Variants in CCDC158 observed in about 807,000 individuals in gnomAD.
CCDC158 encodes the protein coiled-coil domain-containing protein 158.
In CCDC158, 116 loss-of-function variants were observed where a neutral mutation model predicts 138.6. The observed-to-expected ratio is 0.84, with a 90% confidence interval of 0.72 to 0.98. CCDC158 has a LOEUF of 0.98. Ranked by LOEUF, CCDC158 falls within the 50% of genes least tolerant of loss-of-function variation. The probability of loss-of-function intolerance (pLI) is 0.00; values close to 1 mark genes in which losing one functional copy is unlikely to be tolerated. For synonymous variants in CCDC158, 436 were observed against 442.4 expected (o/e 0.99, Z 0.18); for missense variants, 1,265 against 1,306.1 (o/e 0.97, Z 0.48).
At chr4:76,362,567 C>T (rs1240349836) in intron 12 of CCDC158, among the ~76,000 whole-genome samples, 1 of 152,168 alleles carries the variant, frequency 6.6e-6, no homozygotes, top group Non-Finnish European at 1.5e-5. Context: ...CCTTAGATGT[C>T]AATTCCTAGT....
rs529948661 is a variant in CCDC158 at position 76,344,674 on chromosome 4, A to G, written c.2664+6322T>C. 4 of 1,613,270 alleles carry G rather than the reference A, an allele frequency of 2.5e-6. No individual in the cohort carries two copies. In the African/African-American group the frequency reaches 5.3e-5, roughly 22 times the overall value. ...ACAAAGACCACACTGCCCATGTTTC[A>G]GAGCCCAGAGTTTTCTGTTACAAGG... is the stretch of plus-strand genomic sequence containing the variant. On this transcript the variant is annotated intron_variant, in intron 18 of 24. Transcript: ENST00000682701.
rs755704600 is a variant in CCDC158 at position 76,367,283 on chromosome 4, A to T, written c.1830+11T>A. On this transcript the variant is annotated intron_variant, in intron 12 of 24. Transcript: ENST00000682701. ...ATTTCAGAAGTTAAATCACAAAAAA[A>T]CTCTACAGACCTTAAGTTCCTTTAG... The T allele has an allele frequency of 3.1e-6, 5 of 1,597,494 alleles. No individual in the cohort carries two copies. The highest frequency in any genetic ancestry group is 2.2e-5 in the East Asian group (1 of 44,646).
chr4:76,335,387 C>T (rs987554351), intron 18 of CCDC158, among the ~76,000 whole-genome samples: 3 of 152,026 alleles, frequency 2.0e-5, no homozygotes, highest in Middle Eastern at 3.2e-3. Context: ...TCTTATCTTC[C>T]CATCTTCTGC....
At chr4:76,402,560 G>A (rs190207362) in intron 3 of CCDC158, among the ~76,000 whole-genome samples, 209 of 152,278 alleles carry the variant, frequency 1.4e-3, no homozygotes, top group Non-Finnish European at 1.8e-3. Context: ...ATCCCTTTAG[G>A]CTTTGCAGCT....
Position 76,341,484 on chromosome 4 carries a change from C to T in CCDC158, c.2665-7317G>A, listed in dbSNP as rs187016700. Among the ~76,000 whole-genome samples, 419 of 152,218 alleles carry T rather than the reference C, an allele frequency of 2.8e-3. 2 individuals are homozygous for T. Among genetic ancestry groups the T allele is most frequent in the African/African-American group, 9.1e-3 (380 of 41,544 alleles). Reference sequence around the variant, plus strand: ...AGGAAACAGGAAAAAAGTTACGAAGCATTGCTAAAAATCTTGCCCACATCA... The same window carrying T: ...AGGAAACAGGAAAAAAGTTACGAAGTATTGCTAAAAATCTTGCCCACATCA... On this transcript the variant is annotated intron_variant, in intron 18 of 24. Coordinates refer to ENST00000682701, the MANE Select transcript of CCDC158 (RefSeq NM_001394954.1).
intron 9 of CCDC158, among the ~76,000 whole-genome samples, chr4:76,373,427 T>C (rs1017968305): frequency 7.9e-5 from 12 of 152,236 alleles, no homozygotes; most frequent in African/African-American, 2.7e-4. Context: ...GGTGGCTATT[T>C]AGTAGGTTTC....
intron 1 of CCDC158, among the ~76,000 whole-genome samples, chr4:76,419,670 T>TTC (rs998062448): frequency 6.6e-6 from 1 of 151,722 alleles, no homozygotes; most frequent in Non-Finnish European, 1.5e-5. Flanking sequence ...TCAAATCTGC[T>TTC]TCTCTCTCTC....
chr4:76,339,191 G>C (rs1273070111), intron 18 of CCDC158, among the ~76,000 whole-genome samples: 1 of 152,008 alleles, frequency 6.6e-6, no homozygotes, highest in Non-Finnish European at 1.5e-5. Flanking sequence ...ATGAAGAACA[G>C]AAGCAATTAT....
chr4:76,395,357 T>C (rs184995949), intron 4 of CCDC158, among the ~76,000 whole-genome samples: 12 of 152,176 alleles, frequency 7.9e-5, no homozygotes, highest in African/African-American at 2.9e-4. Context: ...GATTTTTTTT[T>C]CCTAAAAGTG....
intron 4 of CCDC158, among the ~76,000 whole-genome samples, chr4:76,392,311 G>A (rs1235879524): frequency 1.3e-5 from 2 of 151,982 alleles, no homozygotes; most frequent in South Asian, 2.1e-4. Context: ...TGCAAGGATG[G>A]TTAAACATAT....
intron 2 of CCDC158, among the ~76,000 whole-genome samples, chr4:76,405,575 A>T (rs915134942): frequency 6.6e-6 from 1 of 152,330 alleles, no homozygotes; most frequent in African/African-American, 2.4e-5. Context: ...TAAATACTCA[A>T]TTATAGAGTT....
intron 18 of CCDC158, among the ~76,000 whole-genome samples, chr4:76,338,332 A>C (rs574607498): frequency 6.6e-6 from 1 of 152,288 alleles, no homozygotes. Flanking sequence ...CAACATAGCA[A>C]AACCCCGTCT....
intron 12 of CCDC158, among the ~76,000 whole-genome samples, chr4:76,362,813 C>G (rs1261156110): frequency 2.0e-5 from 3 of 152,188 alleles, no homozygotes; most frequent in Non-Finnish European, 2.9e-5. Context: ...TCTTTGTCTT[C>G]ATGTCCTCCT....
rs550024779 is a variant in CCDC158, at chr4:76,391,729, T to C, written c.288+4540A>G. Among the ~76,000 whole-genome samples the C allele has an allele frequency of 7.3e-5, 11 of 151,682 alleles. No individual in the cohort carries two copies. In the South Asian group the frequency reaches 2.3e-3, roughly 32 times the overall value. ...AATACAAAAGATCAATGAAACAGAATGTTGGTTTTTTGAGAAGATAAACAA... is the reference window on the plus strand; with the variant it reads ...AATACAAAAGATCAATGAAACAGAACGTTGGTTTTTTGAGAAGATAAACAA... On this transcript the variant is annotated intron_variant, in intron 4 of 24. Coordinates refer to ENST00000682701, the MANE Select transcript of CCDC158 (RefSeq NM_001394954.1).
chr4:76,342,067 A>G, intron 18 of CCDC158, among the ~76,000 whole-genome samples: 1 of 152,222 alleles, frequency 6.6e-6, no homozygotes, highest in Non-Finnish European at 1.5e-5. Context: ...AATTATTACT[A>G]TTATTATTAT....
chr4:76,357,743 C>T (rs559600233), intron 13 of CCDC158, among the ~76,000 whole-genome samples: 1 of 152,252 alleles, frequency 6.6e-6, no homozygotes, highest in East Asian at 1.9e-4. Context: ...TATTCCTCCT[C>T]TACCCACTTA....
At chr4:76,350,652 T>C (rs1028956359) in intron 18 of CCDC158, among the ~76,000 whole-genome samples, 1 of 152,286 alleles carries the variant, frequency 6.6e-6, no homozygotes, top group African/African-American at 2.4e-5. Context: ...AAACCACATA[T>C]AGCAAATAAT....
chr4:76,365,799 A>G (rs1184287837), intron 12 of CCDC158, among the ~76,000 whole-genome samples: 1 of 152,042 alleles, frequency 6.6e-6, no homozygotes, highest in African/African-American at 2.4e-5. Context: ...CCCATCCTAG[A>G]CCTACTGAGT....
intron 23 of CCDC158, among the ~76,000 whole-genome samples, chr4:76,323,686 G>A (rs1720260338): frequency 1.3e-5 from 2 of 152,140 alleles, no homozygotes; most frequent in African/African-American, 2.4e-5. Context: ...TAAATAAGAT[G>A]GGTGAAAAGA....
Sources: allele counts gnomAD v4.1 joint callset (sites outside exome capture counted in the v4.1 genomes callset), GRCh38; gene constraint gnomAD v4.1.1; transcripts MANE v1.5; gene names NCBI Gene and HGNC (gene_info 2026-07-23, HGNC 2026-07-21).